The following YIPF5 variants were observed in gnomAD, a reference collection of about 807,000 sequenced individuals.
YIPF5 encodes protein YIPF5.
A neutral mutation model predicts 30.4 loss-of-function variants in YIPF5; 8 were observed. That is an observed-to-expected ratio of 0.26 (90% CI 0.15 to 0.47). The LOEUF (loss-of-function observed/expected upper bound fraction) is 0.47, where lower values mean the gene tolerates loss of function less well. Among genes scored for constraint, YIPF5 ranks in the 20% least tolerant of loss-of-function variants. The pLI is 0.99. For synonymous variants in YIPF5, 104 were observed against 107.9 expected (o/e 0.96, Z 0.23); for missense variants, 282 against 301.8 (o/e 0.93, Z 0.49).
intron 1 of YIPF5, 23 bp downstream of exon 1, chr5:144,170,512 T>A (rs1355054308): frequency 6.4e-6 from 1 of 155,988 alleles, no homozygotes; most frequent in Non-Finnish European, 1.4e-5. Context: ...CTGAACACTG[T>A]GCCACGGGCC....
At position 144,160,574 on chromosome 5, in the gene YIPF5, GA is replaced by G. The variant is rs1580753465; in HGVS notation, c.612-16del. On this transcript the variant is annotated splice_polypyrimidine_tract_variant and intron_variant, in intron 5 of 5. Transcript: ENST00000274496. ...CTACCATTCCTCTGTAAACAACAAG[GA>G]AAAAGGGGGGAGAAGAAAAAAAAGC... is the stretch of plus-strand genomic sequence containing the variant. 5 of 1,587,110 alleles carry G rather than the reference GA, an allele frequency of 3.2e-6. No homozygotes were observed. Among genetic ancestry groups the G allele is most frequent in the South Asian group, 2.3e-5 (2 of 86,760 alleles).
intron 2 of YIPF5, among the ~76,000 whole-genome samples, chr5:144,167,424 A>T (rs2126761834): frequency 6.6e-6 from 1 of 152,306 alleles, no homozygotes; most frequent in East Asian, 1.9e-4. Context: ...AAAGCCTCTT[A>T]ACATATTGGG....
At chr5:144,168,902 G>A (rs1752275115) in intron 2 of YIPF5, among the ~76,000 whole-genome samples, 1 of 152,132 alleles carries the variant, frequency 6.6e-6, no homozygotes, top group Admixed American at 6.5e-5. Context: ...TGCCCTCATC[G>A]TGGAACAGTC....
rs201244569 is a variant in YIPF5 at position 144,162,769 on chromosome 5, G to A, written c.430-370C>T. Among the ~76,000 whole-genome samples, 6 of 152,110 alleles carry A rather than the reference G, an allele frequency of 3.9e-5. No homozygotes were observed. In the East Asian group the frequency reaches 1.2e-3, roughly 29 times the overall value. The stretch of plus-strand genomic sequence containing the variant: ...AGCCGTTCAAAATGTCTAGATAATT[G>A]TTATATCAGTTGAAAGTACCTAATT... On this transcript the variant is annotated intron_variant, in intron 4 of 5. Transcript: ENST00000274496.
rs372220792 is a variant in YIPF5 at position 144,160,416 on chromosome 5, G to A, written c.755C>T (p.Ala252Val). The change falls in exon 6 of 6, where the codon GCC (alanine) becomes GTC (valine). Residue 252 changes from alanine (A) to valine (V), a missense_variant. Coordinates refer to ENST00000274496, the MANE Select transcript of YIPF5 (RefSeq NM_030799.9). Reference protein sequence around the residue: ...YPCALLYGVFALISVF With the variant: ...YPCALLYGVFVLISVF ...AAATTTTCAAAAGACGGAAATCAGG[G>A]CAAAGACTCCATATAACAAAGCGCA... is the stretch of plus-strand genomic sequence containing the variant. The A allele has an allele frequency of 3.1e-6, 5 of 1,613,388 alleles. No individual in the cohort carries two copies. The African/African-American group carries it at 4.0e-5, about 13-fold the overall frequency.
intron 4 of YIPF5, among the ~76,000 whole-genome samples, chr5:144,162,901 G>C (rs867805501): frequency 1.3e-5 from 2 of 152,156 alleles, no homozygotes; most frequent in Admixed American, 6.5e-5. Flanking sequence ...AGGAGCAAGG[G>C]GAAAGGAAGC....
At position 144,158,985 on chromosome 5, in the gene YIPF5, C is replaced by T. The variant is rs1672817316; in HGVS notation, c.*1412G>A. ...CTCGTAACTATAACTGAGCTTTGTC[C>T]AGAATCAGAGACAGTTTTTCTAGAA... is the stretch of plus-strand genomic sequence containing the variant. On this transcript the variant is annotated 3_prime_UTR_variant, in exon 6 of 6. Coordinates refer to ENST00000274496, the MANE Select transcript of YIPF5 (RefSeq NM_030799.9). 5 of 983,752 alleles carry T rather than the reference C, an allele frequency of 5.1e-6. No individual in the cohort carries two copies. The highest frequency in any genetic ancestry group is 6.0e-6 in the Non-Finnish European group (5 of 829,720). The allele number at this position is 983,752 out of a possible 1,614,324, so 60.9% of individuals were successfully genotyped here. A position where few individuals can be genotyped will look rare whatever the true frequency, so the allele number is the denominator to read the frequency against.
rs1751942554 is a variant in YIPF5, at chr5:144,158,801, G to T, written c.*1596C>A. On this transcript the variant is annotated 3_prime_UTR_variant, in exon 6 of 6. Coordinates refer to ENST00000274496, the MANE Select transcript of YIPF5 (RefSeq NM_030799.9). ...TTAATGAAGAAAAACATACTTATGT[G>T]AATCAATAAATATGTTATTTCTCTC... 1 of 985,622 alleles carries T rather than the reference G, an allele frequency of 1.0e-6. No individual in the cohort carries two copies. The highest frequency in any genetic ancestry group is 1.2e-6 in the Non-Finnish European group (1 of 830,190). The allele number at this position is 985,622 out of a possible 1,614,324, so 61.1% of individuals were successfully genotyped here.
chr5:144,167,975 T>C (rs1752247122), intron 2 of YIPF5, among the ~76,000 whole-genome samples: 1 of 152,198 alleles, frequency 6.6e-6, no homozygotes, highest in African/African-American at 2.4e-5. Flanking sequence ...AGTCCAGTTT[T>C]TACAAAATAA....
chr5:144,170,284 C>G (rs530890332), intron 1 of YIPF5: 5 of 274,692 alleles, frequency 1.8e-5, no homozygotes, highest in Non-Finnish European at 2.8e-5. Context: ...GATTTTTCAC[C>G]TTAGGACTGG....
intron 2 of YIPF5, among the ~76,000 whole-genome samples, chr5:144,167,939 G>A (rs1380326943): frequency 6.6e-6 from 1 of 152,172 alleles, no homozygotes; most frequent in Non-Finnish European, 1.5e-5. Context: ...TTAGATTGCA[G>A]ATCTACTTGA....
intron 5 of YIPF5, among the ~76,000 whole-genome samples, chr5:144,161,708 T>A (rs1580754499): frequency 2.0e-5 from 3 of 152,184 alleles, no homozygotes; most frequent in African/African-American, 7.2e-5. Context: ...TTAAAGCTGC[T>A]TACAAGTACA....
In YIPF5 at chr5:144,160,080, G is replaced by A; in HGVS notation, c.*317C>T. On this transcript the variant is annotated 3_prime_UTR_variant, in exon 6 of 6. Coordinates refer to ENST00000274496, the MANE Select transcript of YIPF5 (RefSeq NM_030799.9). ...TCAGCTTTGTGTTTGGTTTCCCACA[G>A]TTGATAAAAATCTATCAAAAACATT... The A allele has an allele frequency of 9.8e-7, 1 of 1,022,066 alleles. No individual in the cohort carries two copies. Among genetic ancestry groups the A allele is most frequent in the Non-Finnish European group, 1.2e-6 (1 of 854,520 alleles). 63.3% of individuals were successfully genotyped at this position (1,022,066 alleles called of 1,614,324 possible).
chr5:144,161,626 G>A (rs770375691), intron 5 of YIPF5, among the ~76,000 whole-genome samples: 4 of 152,090 alleles, frequency 2.6e-5, no homozygotes, highest in Admixed American at 6.6e-5. Context: ...GATTACAGGC[G>A]TGAGCAACCG....
At chr5:144,165,031 A>C (rs1239589529) in intron 3 of YIPF5, among the ~76,000 whole-genome samples, 1 of 152,192 alleles carries the variant, frequency 6.6e-6, no homozygotes, top group African/African-American at 2.4e-5. Context: ...AAAAAAGTTC[A>C]GAACTACCAC....
Position 144,160,347 on chromosome 5 carries a change from G to A in YIPF5, c.*50C>T. The A allele has an allele frequency of 6.3e-7, 1 of 1,578,838 alleles. No individual in the cohort carries two copies. Among genetic ancestry groups the A allele is most frequent in the Non-Finnish European group, 8.6e-7 (1 of 1,160,242 alleles). On this transcript the variant is annotated 3_prime_UTR_variant, in exon 6 of 6. Transcript: ENST00000274496. ...TTGCTGGTCCAATTTAAGAGTTCAAGGTCCTTTTTGTACATCTGGCCCACT... is the reference window on the plus strand; with the variant it reads ...TTGCTGGTCCAATTTAAGAGTTCAAAGTCCTTTTTGTACATCTGGCCCACT...
intron 4 of YIPF5, among the ~76,000 whole-genome samples, 184 bp from the exon 5 acceptor site, chr5:144,162,583 G>A (rs1210601564): frequency 6.6e-6 from 1 of 152,164 alleles, no homozygotes; most frequent in Non-Finnish European, 1.5e-5. Context: ...TAACTTTAAA[G>A]TACAGAGATA....
At position 144,164,164 on chromosome 5, in the gene YIPF5, C is replaced by T. The variant is rs1361286499; in HGVS notation, c.376G>A (p.Asp126Asn). 1.2e-6 allele frequency: 2 copies of T among 1,613,572 alleles called. No individual in the cohort carries two copies. Among genetic ancestry groups the T allele is most frequent in the Non-Finnish European group, 1.7e-6 (2 of 1,179,728 alleles). ...VADGSIMNET[D>N]LAGPMVFCLA... ...CAAAAAACCATTGGACCTGCCAAAT[C>T]AGTTTCATTCATGATGCTGCCATCT... The change falls in exon 4 of 6, where the codon GAT becomes AAT. Residue 126 changes from aspartate (D) to asparagine (N), a missense_variant. Transcript: ENST00000274496.
intron 3 of YIPF5, among the ~76,000 whole-genome samples, 186 bp downstream of exon 3, chr5:144,165,246 A>G (rs1752168954): frequency 6.6e-6 from 1 of 152,228 alleles, no homozygotes; most frequent in African/African-American, 2.4e-5. Flanking sequence ...GATCTATTAA[A>G]AATCTGGTCC....
Sources: gnomAD v4.1 joint callset for allele counts (sites outside exome capture counted in the v4.1 genomes callset) on GRCh38, gnomAD v4.1.1 for gene constraint, MANE v1.5 for transcripts, NCBI Gene and HGNC (gene_info 2026-07-23, HGNC 2026-07-21) for gene names.